Variants in GREB1L observed in about 807,000 individuals in gnomAD.
GREB1L encodes the protein GREB1 like retinoic acid receptor coactivator.
A neutral mutation model predicts 200.8 loss-of-function variants in GREB1L; 17 were observed. The ratio of observed to expected loss-of-function variants is 0.08; its 90% CI spans 0.06 to 0.13. The LOEUF is 0.13. Ranked by LOEUF, GREB1L falls within the 10% of genes least tolerant of loss-of-function variation. The probability of loss-of-function intolerance (pLI) is 1.00; values close to 1 mark genes in which losing one functional copy is unlikely to be tolerated. For synonymous variants in GREB1L, 789 were observed against 893.0 expected (o/e 0.88, Z 2.08); for missense variants, 1,657 against 2,367.7 (o/e 0.70, Z 6.23).
chr18:21,298,214 G>T (rs1223550798), intron 1 of GREB1L, among the ~76,000 whole-genome samples: 1 of 152,154 alleles, frequency 6.6e-6, no homozygotes, highest in African/African-American at 2.4e-5. Context: ...TTCTTCCCTA[G>T]TTACCCCAGT....
chr18:21,298,475 C>T (rs1333158652), intron 1 of GREB1L, among the ~76,000 whole-genome samples: 4 of 152,138 alleles, frequency 2.6e-5, no homozygotes, highest in Non-Finnish European at 5.9e-5. Flanking sequence ...ACCTTGAGGA[C>T]GTGGACCATA....
At chr18:21,365,030 C>G (rs2143623071) in intron 1 of GREB1L, among the ~76,000 whole-genome samples, 1 of 151,964 alleles carries the variant, frequency 6.6e-6, no homozygotes, top group South Asian at 2.1e-4. Flanking sequence ...AAACCTAGAC[C>G]TTCCATTTTT....
chr18:21,517,819 T>C (rs2037472598), intron 30 of GREB1L, among the ~76,000 whole-genome samples: 1 of 152,204 alleles, frequency 6.6e-6, no homozygotes, highest in Admixed American at 6.5e-5. Flanking sequence ...TGCTTTCTTC[T>C]GCCCTCGCTG....
chr18:21,338,640 C>T (rs1195942242), intron 1 of GREB1L, among the ~76,000 whole-genome samples: 2 of 152,232 alleles, frequency 1.3e-5, no homozygotes, highest in Non-Finnish European at 2.9e-5. Context: ...TCATCCACAG[C>T]TATGATCACT....
In GREB1L at chr18:21,496,640, G is replaced by A. The variant is rs370350786; in HGVS notation, c.3333G>A (p.Glu1111=). 26 of 1,551,600 alleles carry A rather than the reference G, an allele frequency of 1.7e-5. No homozygotes were observed. The African/African-American group carries it at 2.6e-4, about 16-fold the overall frequency. The change falls in exon 21 of 33, where the codon GAG becomes GAA. Residue 1111 remains glutamate, a synonymous_variant. Coordinates refer to ENST00000424526, the MANE Select transcript of GREB1L (RefSeq NM_001142966.3). ...RAAVSENDSD[E]LLIDLERPQS... is the part of the protein sequence containing the mutation. ...CTGTCAGTGAGAATGACTCCGATGAGCTGCTCATCGACCTGGAGCGGCCCC... is the reference window on the plus strand; with the variant it reads ...CTGTCAGTGAGAATGACTCCGATGAACTGCTCATCGACCTGGAGCGGCCCC...
At chr18:21,449,466 C>T (rs1049642805) in intron 11 of GREB1L, 44 bp from the exon 12 acceptor site, 2 of 1,211,104 alleles carry the variant, frequency 1.7e-6, no homozygotes, top group Admixed American at 2.5e-5. Flanking sequence ...TGTCTCTCCT[C>T]CCTGTGATTC....
At chr18:21,317,639 ATTTAG>A (rs1469485286) in intron 1 of GREB1L, 3 of 152,212 alleles carry the variant, frequency 2.0e-5, no homozygotes, top group Admixed American at 2.0e-4. Context: ...TATAAAAAAA[ATTTAG>A]TTTATCAAGT....
At chr18:21,456,528 A>C (rs1840858411) in intron 15 of GREB1L, among the ~76,000 whole-genome samples, 1 of 152,020 alleles carries the variant, frequency 6.6e-6, no homozygotes, top group Non-Finnish European at 1.5e-5. Context: ...AAATGAGCTG[A>C]CTGACAGTAC....
At position 21,493,645 on chromosome 18, in the gene GREB1L, C is replaced by T. The variant is rs373972764; in HGVS notation, c.3031-2025C>T. 8.5e-5 allele frequency among the ~76,000 whole-genome samples: 13 copies of T among 152,084 alleles called. No individual in the cohort carries two copies. The East Asian group carries it at 1.4e-3, about 16-fold the overall frequency. On this transcript the variant is annotated intron_variant, in intron 19 of 32. Transcript: ENST00000424526. ...ACTTTGGGAGACTGAGGCGGGCAGT[C>T]GCTTGAGGTCAGGAGTTCAAGACCA...
intron 2 of GREB1L, among the ~76,000 whole-genome samples, chr18:21,381,814 C>G (rs1386880814): frequency 3.3e-5 from 5 of 152,126 alleles, no homozygotes; most frequent in Non-Finnish European, 7.4e-5. Context: ...ATAAAGAGAC[C>G]AAGGTTTCTA....
chr18:21,269,388 G>A (rs1367319364), intron 1 of GREB1L, among the ~76,000 whole-genome samples: 2 of 151,938 alleles, frequency 1.3e-5, no homozygotes, highest in South Asian at 2.1e-4. Context: ...TATAATTTGG[G>A]GATTATGCCC....
intron 7 of GREB1L, among the ~76,000 whole-genome samples, chr18:21,419,190 T>A (rs2031927781): frequency 6.6e-6 from 1 of 152,184 alleles, no homozygotes; most frequent in South Asian, 2.1e-4. Context: ...TGTAAGTATA[T>A]TCTAGAGTTC....
At chr18:21,431,030 ATTT>A (rs2033113943) in intron 7 of GREB1L, among the ~76,000 whole-genome samples, 1 of 129,972 alleles carries the variant, frequency 7.7e-6, no homozygotes, top group Non-Finnish European at 1.7e-5. Context: ...TTATTTATTT[ATTT>A]ATTTTTGAGA....
In GREB1L at chr18:21,496,644, C is replaced by T. The variant is rs1178357062; in HGVS notation, c.3337C>T (p.Leu1113Phe). The T allele has an allele frequency of 6.4e-7, 1 of 1,551,680 alleles. No individual in the cohort carries two copies. The highest frequency in any genetic ancestry group is 2.0e-5 in the Admixed American group (1 of 51,000). The change falls in exon 21 of 33, where the codon CTC becomes TTC. Residue 1113 changes from leucine to phenylalanine, a missense_variant. Leu to Phe is a conservative substitution (Grantham distance 22). This residue lies in a region of GREB1L where 512 missense variants were observed against 668.3 expected (regional missense o/e 0.77). Transcript: ENST00000424526. ...AVSENDSDEL[L>F]IDLERPQSNS... ...CAGTGAGAATGACTCCGATGAGCTG[C>T]TCATCGACCTGGAGCGGCCCCAGAG...
At chr18:21,362,342 T>C (rs1229770723) in intron 1 of GREB1L, among the ~76,000 whole-genome samples, 1 of 152,182 alleles carries the variant, frequency 6.6e-6, no homozygotes, top group Non-Finnish European at 1.5e-5. Flanking sequence ...ATTTGTGTTT[T>C]TTTTGGAAAG....
At chr18:21,358,212 TATAA>T (rs1347387047) in intron 1 of GREB1L, among the ~76,000 whole-genome samples, 1 of 152,196 alleles carries the variant, frequency 6.6e-6, no homozygotes, top group Non-Finnish European at 1.5e-5. Context: ...TTGTAGCTAT[TATAA>T]ATAAGATTTT....
chr18:21,277,986 C>G (rs910627380), intron 1 of GREB1L, among the ~76,000 whole-genome samples: 1 of 152,160 alleles, frequency 6.6e-6, no homozygotes, highest in African/African-American at 2.4e-5. Flanking sequence ...TGATAAAACA[C>G]AACAAAAACT....
chr18:21,508,715 G>GAAAA (rs35816889), intron 27 of GREB1L, 124 bp downstream of exon 27: 406 of 379,578 alleles, frequency 1.1e-3, no homozygotes, highest in South Asian at 1.4e-3. Flanking sequence ...CCACTCTTCG[G>GAAAA]AAAAAAAAAA....
chr18:21,304,348 AAC>A (rs375994991), intron 1 of GREB1L, among the ~76,000 whole-genome samples: 554 of 152,240 alleles, frequency 3.6e-3, no homozygotes, highest in Non-Finnish European at 5.7e-3. Flanking sequence ...GCATTGAGCA[AAC>A]AAAAGATGAT....
Sources: gnomAD v4.1 joint callset for allele counts (sites outside exome capture counted in the v4.1 genomes callset) on GRCh38, gnomAD v4.1.1 for gene constraint, gnomAD v4.1.1 regional missense constraint, MANE v1.5 for transcripts, NCBI Gene and HGNC (gene_info 2026-07-23, HGNC 2026-07-21) for gene names.